Variants in MTSS1 observed in about 807,000 individuals in gnomAD.
The protein encoded by MTSS1 is protein MTSS 1.
Under a neutral mutation model 79.0 loss-of-function variants are expected in MTSS1, and 18 were observed. The ratio of observed to expected loss-of-function variants is 0.23; its 90% confidence interval spans 0.16 to 0.34. MTSS1 has a LOEUF of 0.34. MTSS1 is among the 10% of genes least tolerant of loss of function. MTSS1 has a pLI of 1.00. For synonymous variants in MTSS1, 341 were observed against 368.6 expected, an observed-to-expected ratio of 0.93 and a Z score of 0.86; for missense variants, 815 against 986.2, an observed-to-expected ratio of 0.83 and a Z score of 2.33.
intron 3 of MTSS1, among the ~76,000 whole-genome samples, chr8:124,676,789 G>C (rs1825369484): frequency 6.6e-6 from 1 of 152,112 alleles, no homozygotes; most frequent in Non-Finnish European, 1.5e-5. Flanking sequence ...GTTACTTGAA[G>C]GGGCAAAATG....
At chr8:124,707,383 C>T (rs1306019540) in intron 1 of MTSS1, among the ~76,000 whole-genome samples, 5 of 128,510 alleles carry the variant, frequency 3.9e-5, no homozygotes, top group Non-Finnish European at 1.6e-5. Flanking sequence ...CCCATTTCTA[C>T]TAAAAATACA....
chr8:124,640,716 G>A (rs1045019027), intron 3 of MTSS1, among the ~76,000 whole-genome samples: 1 of 151,998 alleles, frequency 6.6e-6, no homozygotes, highest in Non-Finnish European at 1.5e-5. Context: ...GCTAATTTTT[G>A]TATTTTTAGT....
chr8:124,629,899 C>T (rs967868532), intron 3 of MTSS1, among the ~76,000 whole-genome samples: 17 of 152,148 alleles, frequency 1.1e-4, no homozygotes, highest in African/African-American at 2.4e-4. Context: ...TCACACACAC[C>T]GTGCGTTCTT....
At chr8:124,615,962 T>C (rs1270406931) in intron 3 of MTSS1, among the ~76,000 whole-genome samples, 3 of 152,314 alleles carry the variant, frequency 2.0e-5, no homozygotes, top group African/African-American at 7.2e-5. Context: ...CCGGGCCCCA[T>C]GGCCTTCGAC....
intron 3 of MTSS1, among the ~76,000 whole-genome samples, chr8:124,624,166 T>C (rs747119571): frequency 6.6e-5 from 10 of 152,184 alleles, no homozygotes; most frequent in South Asian, 2.1e-4. Context: ...GTGCGAAGAC[T>C]CATATAGGAC....
At chr8:124,698,806 C>T (rs1323950627) in intron 3 of MTSS1, among the ~76,000 whole-genome samples, 1 of 152,038 alleles carries the variant, frequency 6.6e-6, no homozygotes, top group Non-Finnish European at 1.5e-5. Flanking sequence ...ACAGGCATGA[C>T]CCACCGCGCC....
intron 1 of MTSS1, among the ~76,000 whole-genome samples, chr8:124,716,373 G>T (rs997309597): frequency 2.0e-5 from 3 of 152,226 alleles, no homozygotes; most frequent in African/African-American, 7.2e-5. Flanking sequence ...AACTCATTTC[G>T]TCTGCCTGAT....
intron 3 of MTSS1, among the ~76,000 whole-genome samples, chr8:124,623,402 T>C (rs1813999186): frequency 1.3e-5 from 2 of 152,222 alleles, no homozygotes; most frequent in Admixed American, 1.3e-4. Flanking sequence ...TTAGGCTCAA[T>C]TTTGTGAATG....
At chr8:124,700,255 G>A (rs1468134053) in intron 2 of MTSS1, among the ~76,000 whole-genome samples, 1 of 152,172 alleles carries the variant, frequency 6.6e-6, no homozygotes, top group East Asian at 1.9e-4. Flanking sequence ...AGTGGTAGAG[G>A]TGAAATTAAT....
chr8:124,621,076 C>T (rs1419823767), intron 3 of MTSS1, among the ~76,000 whole-genome samples: 1 of 152,160 alleles, frequency 6.6e-6, no homozygotes, highest in African/African-American at 2.4e-5. Flanking sequence ...AGGCAACTTC[C>T]AATGACTCCT....
chr8:124,684,172 T>C (rs1826583197), intron 3 of MTSS1, among the ~76,000 whole-genome samples: 1 of 152,212 alleles, frequency 6.6e-6, no homozygotes. Context: ...TATTTTTTAG[T>C]GTCTGATACC....
chr8:124,716,167 A>G (rs1175358512), intron 1 of MTSS1, among the ~76,000 whole-genome samples: 2 of 145,230 alleles, frequency 1.4e-5, no homozygotes, highest in African/African-American at 2.4e-5. Context: ...CCAAAGCCCC[A>G]AGGGCAGCAT....
At chr8:124,647,963 C>A (rs1447843324) in intron 3 of MTSS1, among the ~76,000 whole-genome samples, 3 of 152,184 alleles carry the variant, frequency 2.0e-5, no homozygotes, top group Non-Finnish European at 2.9e-5. Flanking sequence ...ACAAATGTCT[C>A]CAATCAACCT....
At chr8:124,593,918 G>A (rs573189585) in intron 3 of MTSS1, among the ~76,000 whole-genome samples, 3 of 152,262 alleles carry the variant, frequency 2.0e-5, no homozygotes, top group East Asian at 3.9e-4. Context: ...TGGTCTACAC[G>A]CTATTACGGG....
In MTSS1 at chr8:124,704,179, C is replaced by G; in HGVS notation, c.85G>C (p.Val29Leu). 1 of 1,613,982 alleles carries G rather than the reference C, an allele frequency of 6.2e-7. No individual in the cohort carries two copies. The highest frequency in any genetic ancestry group is 8.5e-7 in the Non-Finnish European group (1 of 1,179,956). Reference sequence around the variant, plus strand: ...GCTTTGTTTATGAAATCTTCCCAAACTGGATAGCTCCCCTGCAACACATCA... The same window carrying G: ...GCTTTGTTTATGAAATCTTCCCAAAGTGGATAGCTCCCCTGCAACACATCA... ...IISDMKGSYP[V>L]WEDFINKAGK... The change falls in exon 2 of 14, where the codon GTT becomes CTT. Residue 29 changes from valine (V) to leucine (L), a missense_variant. Val to Leu is a conservative substitution (Grantham distance 32, BLOSUM62 1). This residue lies in a region of MTSS1 where 225 missense variants were observed against 365.4 expected (regional missense o/e 0.62). Coordinates refer to ENST00000518547, the MANE Select transcript of MTSS1 (RefSeq NM_014751.6).
At position 124,670,370 on chromosome 8, in the gene MTSS1, C is replaced by T. The variant is rs78559731; in HGVS notation, c.208+29156G>A. ...GGTGGCAAAGGAGATTACACTCAGG[C>T]GGGCGGCACCCCACACAGCCTGGCG... On this transcript the variant is annotated intron_variant, in intron 3 of 13. Transcript: ENST00000518547. Among the ~76,000 whole-genome samples, 580 of 152,004 alleles carry T rather than the reference C, an allele frequency of 3.8e-3. 8 individuals carry two copies. Among genetic ancestry groups the T allele is most frequent in the South Asian group, 0.013 (63 of 4,796 alleles).
chr8:124,675,751 A>T (rs1825169602), intron 3 of MTSS1, among the ~76,000 whole-genome samples: 3 of 152,206 alleles, frequency 2.0e-5, no homozygotes, highest in Admixed American at 2.0e-4. Flanking sequence ...GAATTATATG[A>T]TATGAGACCT....
chr8:124,599,491 A>C (rs1833384190), intron 3 of MTSS1, among the ~76,000 whole-genome samples: 1 of 151,706 alleles, frequency 6.6e-6, no homozygotes. Context: ...TCAAAAAAAA[A>C]AAAAAAAAAA....
intron 1 of MTSS1, among the ~76,000 whole-genome samples, chr8:124,725,355 C>CCTCT (rs10629955): frequency 6.6e-6 from 1 of 151,804 alleles, no homozygotes; most frequent in African/African-American, 2.4e-5. Context: ...GAAATTATTC[C>CCTCT]TTTTATTGTT....
Sources: allele counts gnomAD v4.1 joint callset (sites outside exome capture counted in the v4.1 genomes callset), GRCh38; gene constraint gnomAD v4.1.1; regional missense constraint gnomAD v4.1.1; transcripts MANE v1.5; gene names NCBI Gene and HGNC (gene_info 2026-07-23, HGNC 2026-07-21).